ZNF251: variants seen among roughly 807,000 people sequenced by gnomAD.
ZNF251 encodes zinc finger protein 251.
Under a neutral mutation model 13.5 loss-of-function variants are expected in ZNF251, and 14 were observed. The ratio of observed to expected loss-of-function variants is 1.04; its 90% confidence interval spans 0.69 to 1.63. ZNF251 has a LOEUF of 1.63. ZNF251 is among the 40% of genes most tolerant of loss of function. ZNF251 has a pLI of 0.00. For synonymous variants in ZNF251, 287 were observed against 295.2 expected (o/e 0.97, Z 0.28); for missense variants, 764 against 834.9 (o/e 0.92, Z 1.05).
intron 4 of ZNF251, among the ~76,000 whole-genome samples, chr8:144,751,977 C>G (rs953751664): frequency 6.6e-6 from 1 of 151,992 alleles, no homozygotes; most frequent in Non-Finnish European, 1.5e-5. Flanking sequence ...ATTCTCTTAT[C>G]TCTCATAATG....
intron 4 of ZNF251, among the ~76,000 whole-genome samples, chr8:144,729,883 A>C (rs1823642404): frequency 6.6e-6 from 1 of 152,006 alleles, no homozygotes; most frequent in African/African-American, 2.4e-5. Flanking sequence ...ACCAAAACAG[A>C]TCTCTCATCA....
At position 144,731,841 on chromosome 8, in the gene ZNF251, G is replaced by C. The variant is rs1052998673; in HGVS notation, c.278-8459C>G. Among the ~76,000 whole-genome samples the C allele has an allele frequency of 2.0e-5, 3 of 152,058 alleles. No homozygotes were observed. The East Asian group carries it at 5.8e-4, about 29-fold the overall frequency. ...GACTCCAGGTGATCCGCCCACCTCG[G>C]CCTCCCAAAGTGCTGGGATTACAGA... On this transcript the variant is annotated intron_variant, in intron 4 of 4. Transcript: ENST00000292562.
rs769179593 is a variant in ZNF251, at chr8:144,754,314, G to T, written c.41C>A (p.Pro14Gln). ...TFQLPGHQEM[P>Q]LTFQDVAVYF... Reference sequence around the variant, plus strand: ...CACGGCCACATCCTGGAAGGTCAGCGGCATCTCCTGCAACAAAACATCGCC... The same window carrying T: ...CACGGCCACATCCTGGAAGGTCAGCTGCATCTCCTGCAACAAAACATCGCC... The change falls in exon 3 of 5, where the codon CCG (proline) becomes CAG (glutamine). Residue 14 changes from proline to glutamine, a missense_variant. Physicochemically the swap from Pro to Gln is moderately conservative, Grantham distance 76. Coordinates refer to ENST00000292562, the MANE Select transcript of ZNF251 (RefSeq NM_138367.2). 4 of 1,607,406 alleles carry T rather than the reference G, an allele frequency of 2.5e-6. No individual in the cohort carries two copies. The East Asian group carries it at 9.0e-5, about 36-fold the overall frequency.
chr8:144,726,155 C>CCACTG (rs1823510933), intron 4 of ZNF251, among the ~76,000 whole-genome samples: 1 of 141,658 alleles, frequency 7.1e-6, no homozygotes, highest in South Asian at 2.2e-4. Context: ...TGAGATTGTG[C>CCACTG]CACTGCACTC....
chr8:144,721,816 G>C lies in ZNF251; in HGVS notation c.1844C>G (p.Thr615Ser). 6.7e-7 allele frequency: 1 copy of C among 1,489,148 alleles called. No homozygotes were observed. Among genetic ancestry groups the C allele is most frequent in the South Asian group, 1.5e-5 (1 of 66,580 alleles). The allele number at this position is 1,489,148 out of a possible 1,614,324, so 92.2% of individuals were successfully genotyped here. A position where few individuals can be genotyped will look rare whatever the true frequency, so the allele number is the denominator to read the frequency against. The change falls in exon 5 of 5, where the codon ACT (threonine) becomes AGT (serine). Residue 615 changes from threonine to serine, a missense_variant. Physicochemically the swap from Thr to Ser is moderately conservative, Grantham distance 58 (BLOSUM62 1). Coordinates refer to ENST00000292562, the MANE Select transcript of ZNF251 (RefSeq NM_138367.2). ...GKSTLIQHQVTHTGQKPCHCS... is the reference protein window; with the variant it reads ...GKSTLIQHQVSHTGQKPCHCS... ...ATGACATGGTTTCTGACCAGTGTGA[G>C]TTACCTGATGTTGAATAAGGGTTGA...
Position 144,754,297 on chromosome 8 carries a change from C to G in ZNF251, c.58G>C (p.Val20Leu), listed in dbSNP as rs1378432054. The G allele has an allele frequency of 1.2e-6, 2 of 1,612,022 alleles. No homozygotes were observed. The highest frequency in any genetic ancestry group is 1.7e-6 in the Non-Finnish European group (2 of 1,179,100). The change falls in exon 3 of 5, where the codon GTG (valine) becomes CTG (leucine). Residue 20 changes from valine to leucine, a missense_variant. Transcript: ENST00000292562. ...HQEMPLTFQD[V>L]AVYFSQAEGR... ...TCCGCCTGAGAGAAGTACACGGCCA[C>G]ATCCTGGAAGGTCAGCGGCATCTCC... is the stretch of plus-strand genomic sequence containing the variant.
At chr8:144,730,244 G>C in intron 4 of ZNF251, 1 of 415,544 alleles carries the variant, frequency 2.4e-6, no homozygotes, top group Non-Finnish European at 3.2e-6. Flanking sequence ...AGCAAGGGTG[G>C]GCTCTGCTGC....
intron 2 of ZNF251, 47 bp downstream of exon 2, chr8:144,754,649 G>C (rs752624875): frequency 1.1e-5 from 18 of 1,579,704 alleles, no homozygotes; most frequent in Non-Finnish European, 1.4e-5. Context: ...TTCTGACTGG[G>C]ATGGGGATGA....
chr8:144,731,624 TTGCCCAGGC>T (rs1186540588), intron 4 of ZNF251, among the ~76,000 whole-genome samples: 5 of 152,270 alleles, frequency 3.3e-5, no homozygotes, highest in Admixed American at 6.5e-5. Context: ...TCTTGCTCTA[TTGCCCAGGC>T]TGGAGTGCAG....
chr8:144,738,864 A>G (rs1563763329), intron 4 of ZNF251, among the ~76,000 whole-genome samples: 1 of 152,112 alleles, frequency 6.6e-6, no homozygotes, highest in East Asian at 1.9e-4. Context: ...TCATGGGGGC[A>G]CCTGTTTGGG....
intron 4 of ZNF251, among the ~76,000 whole-genome samples, chr8:144,741,889 C>G (rs1452855774): frequency 3.9e-5 from 6 of 152,140 alleles, no homozygotes. Context: ...TAATTGGTAT[C>G]TCAGGAGACC....
intron 4 of ZNF251, chr8:144,730,176 G>C (rs111829052): frequency 1.4e-5 from 13 of 943,922 alleles, no homozygotes; most frequent in Non-Finnish European, 1.6e-5. Context: ...TTTATCCACC[G>C]GGCCTAAAGC....
intron 4 of ZNF251, among the ~76,000 whole-genome samples, chr8:144,730,354 G>A (rs1395032807): frequency 2.0e-5 from 3 of 146,562 alleles, no homozygotes; most frequent in Non-Finnish European, 3.0e-5. Flanking sequence ...ACGCTGCGAC[G>A]GGGCGTCCCG....
chr8:144,737,837 CAAAAAAAAAAAAA>C (rs56856212), intron 4 of ZNF251, among the ~76,000 whole-genome samples: 24 of 52,026 alleles, frequency 4.6e-4, no homozygotes, highest in Admixed American at 2.8e-3. Context: ...GACTCTGTCT[CAAAAAAAAAAAAA>C]AAAAAAAAAA....
intron 4 of ZNF251, among the ~76,000 whole-genome samples, chr8:144,724,261 CAA>C (rs1175216003): frequency 0.077 from 2,732 of 35,628 alleles, 48 homozygotes; most frequent in African/African-American, 0.19. Context: ...GACTCCGTCT[CAA>C]AAAAAAAAAA....
intron 4 of ZNF251, among the ~76,000 whole-genome samples, chr8:144,724,539 A>G (rs1431876220): frequency 6.6e-6 from 1 of 152,138 alleles, no homozygotes; most frequent in African/African-American, 2.4e-5. Context: ...TAGCCAAAAA[A>G]TTGATATCTC....
intron 4 of ZNF251, among the ~76,000 whole-genome samples, chr8:144,740,179 G>A (rs571982329): frequency 2.2e-4 from 33 of 152,148 alleles, no homozygotes; most frequent in South Asian, 1.9e-3. Flanking sequence ...CATCTACTCC[G>A]GAGGCTGAGG....
chr8:144,735,569 T>C (rs981025183), intron 4 of ZNF251, among the ~76,000 whole-genome samples: 1 of 151,944 alleles, frequency 6.6e-6, no homozygotes, highest in African/African-American at 2.4e-5. Context: ...GCCAATCCCA[T>C]GCCCACAAAT....
At chr8:144,728,758 T>C (rs1823596124) in intron 4 of ZNF251, among the ~76,000 whole-genome samples, 1 of 151,320 alleles carries the variant, frequency 6.6e-6, no homozygotes, top group Admixed American at 6.6e-5. Flanking sequence ...ACTGACAGAC[T>C]TGCTCAACAC....
Sources: gnomAD v4.1 joint callset for allele counts (sites outside exome capture counted in the v4.1 genomes callset) on GRCh38, gnomAD v4.1.1 for gene constraint, MANE v1.5 for transcripts, NCBI Gene and HGNC (gene_info 2026-07-23, HGNC 2026-07-21) for gene names.